The following PALLD variants were observed in gnomAD, a reference collection of about 807,000 sequenced individuals.
The protein encoded by PALLD is palladin, cytoskeletal associated protein, also known as palladin.
Under a neutral mutation model 123.5 loss-of-function variants are expected in PALLD, and 61 were observed. That is an observed-to-expected ratio of 0.49 (90% confidence interval 0.40 to 0.61). PALLD has a LOEUF of 0.61. Among genes scored for constraint, PALLD ranks in the 20% least tolerant of loss-of-function variants. PALLD has a pLI of 0.00. For missense variants in PALLD, 1,273 were observed against 1,377.0 expected (o/e 0.92, Z 1.20); for synonymous variants, 465 against 496.4 (o/e 0.94, Z 0.84).
chr4:168,539,695 C>T (rs1448715128), intron 2 of PALLD, among the ~76,000 whole-genome samples: 1 of 152,148 alleles, frequency 6.6e-6, no homozygotes, highest in Non-Finnish European at 1.5e-5. Context: ...ATGCAACACA[C>T]AGTCTCATCA....
chr4:168,526,869 T>C (rs537522768), intron 2 of PALLD, among the ~76,000 whole-genome samples: 1 of 152,092 alleles, frequency 6.6e-6, no homozygotes, highest in South Asian at 2.1e-4. Context: ...AAAGGGAATC[T>C]GAAAGAGACA....
intron 3 of PALLD, among the ~76,000 whole-genome samples, chr4:168,679,373 TGGGTGTGTGTGTGTGTGTGGTGTGCTGTG>T (rs1371468321): frequency 4.1e-5 from 4 of 98,596 alleles, no homozygotes; most frequent in Non-Finnish European, 7.9e-5. Flanking sequence ...TGGATGTGTG[TGGGTGTGTGTGTGTGTGTGGTGTGCTGTG>T]GGGTGTGTGC....
chr4:168,921,676 T>G lies in PALLD; in HGVS notation c.2993T>G (p.Ile998Ser). The G allele has an allele frequency of 1.2e-6, 2 of 1,611,592 alleles. No individual in the cohort carries two copies. Among genetic ancestry groups the G allele is most frequent in the Non-Finnish European group, 1.7e-6 (2 of 1,179,822 alleles). Residue 998 changes from isoleucine to serine, a missense_variant, in exon 18 of 22, where the codon ATC (isoleucine) becomes AGC (serine). Ile to Ser is a moderately radical substitution (Grantham distance 142). Transcript: ENST00000505667. ...IEPVTSRDAGIYTCIATNRAG... is the reference protein window; with the variant it reads ...IEPVTSRDAGSYTCIATNRAG... ...CCAGTCACGTCACGTGATGCCGGCA[T>G]CTACACATGTATAGCTACCAACCGA...
intron 2 of PALLD, among the ~76,000 whole-genome samples, chr4:168,611,337 T>A (rs1253825280): frequency 6.6e-6 from 1 of 152,168 alleles, no homozygotes; most frequent in Non-Finnish European, 1.5e-5. Context: ...GTTTAAAAAC[T>A]CCTTGCTATA....
chr4:168,535,731 A>C (rs10021074), intron 2 of PALLD, among the ~76,000 whole-genome samples: 44,317 of 152,018 alleles, frequency 0.29, 7,714 homozygotes, highest in African/African-American at 0.5. Flanking sequence ...CACCCATTGC[A>C]TCCCTCTTAA....
intron 10 of PALLD, among the ~76,000 whole-genome samples, chr4:168,858,974 G>C (rs1311767515): frequency 6.6e-6 from 1 of 152,158 alleles, no homozygotes; most frequent in Admixed American, 6.5e-5. Context: ...TCTTAAGACA[G>C]TAGACTATCA....
At chr4:168,631,018 C>G (rs1297182452) in intron 2 of PALLD, among the ~76,000 whole-genome samples, 1 of 152,134 alleles carries the variant, frequency 6.6e-6, no homozygotes, top group Non-Finnish European at 1.5e-5. Context: ...TGGGTCTGTT[C>G]CCTAGACATT....
At chr4:168,827,926 A>C (rs544310959) in intron 10 of PALLD, among the ~76,000 whole-genome samples, 1 of 152,302 alleles carries the variant, frequency 6.6e-6, no homozygotes, top group East Asian at 1.9e-4. Flanking sequence ...CTGTAATCCC[A>C]GGTACTCGGG....
chr4:168,923,198 C>T (rs894695692), intron 18 of PALLD, among the ~76,000 whole-genome samples: 7 of 152,216 alleles, frequency 4.6e-5, no homozygotes, highest in African/African-American at 1.7e-4. Context: ...ACAAAGTGAG[C>T]TTCTGTTCCC....
At chr4:168,832,304 C>A (rs1185699850) in intron 10 of PALLD, 2 of 611,862 alleles carry the variant, frequency 3.3e-6, no homozygotes, top group Non-Finnish European at 4.1e-6. Flanking sequence ...ACAAGAGACT[C>A]GTCAGCGCAC....
intron 2 of PALLD, among the ~76,000 whole-genome samples, chr4:168,590,623 C>T (rs1287947531): frequency 6.6e-6 from 1 of 151,962 alleles, no homozygotes; most frequent in Non-Finnish European, 1.5e-5. Context: ...TTTGTTTTTC[C>T]AGTTGGAGTA....
intron 10 of PALLD, among the ~76,000 whole-genome samples, chr4:168,866,596 T>A (rs979986712): frequency 6.6e-5 from 10 of 152,224 alleles, no homozygotes; most frequent in African/African-American, 2.2e-4. Context: ...AAACACATGA[T>A]GTTTGTTTAG....
At chr4:168,597,352 A>C (rs1409363111) in intron 2 of PALLD, among the ~76,000 whole-genome samples, 2 of 152,114 alleles carry the variant, frequency 1.3e-5, no homozygotes, top group African/African-American at 2.4e-5. Flanking sequence ...AAACTCATAC[A>C]GTTTTGGAGA....
At chr4:168,527,305 C>T (rs1422935513) in intron 2 of PALLD, among the ~76,000 whole-genome samples, 2 of 151,004 alleles carry the variant, frequency 1.3e-5, no homozygotes, top group African/African-American at 4.9e-5. Flanking sequence ...GCCTGTAATC[C>T]CAGCTACTCG....
intron 2 of PALLD, among the ~76,000 whole-genome samples, chr4:168,529,133 G>A (rs1158017265): frequency 6.6e-6 from 1 of 152,080 alleles, no homozygotes; most frequent in Non-Finnish European, 1.5e-5. Context: ...GATCACCGGA[G>A]GCCAGGAGAT....
chr4:168,769,571 A>G (rs1251215771), intron 10 of PALLD, among the ~76,000 whole-genome samples: 5 of 152,188 alleles, frequency 3.3e-5, no homozygotes, highest in South Asian at 2.1e-4. Context: ...TCTCTGCTCT[A>G]TCATGGGTCC....
chr4:168,512,323 C>T lies in PALLD; in HGVS notation c.819C>T (p.Phe273=), dbSNP rs768306390. The change falls in exon 2 of 22, where the codon TTC becomes TTT. Residue 273 remains phenylalanine, a synonymous_variant. Transcript: ENST00000505667. ...SALHFPAAPR[F]IQKLRSQEVA... is the part of the protein sequence containing the mutation. ...TCCACTTCCCAGCTGCACCTCGATT[C>T]ATCCAAAAGCTGAGGAGCCAAGAAG... 6.2e-7 allele frequency: 1 copy of T among 1,614,194 alleles called. No homozygotes were observed. The highest frequency in any genetic ancestry group is 8.5e-7 in the Non-Finnish European group (1 of 1,180,028).
chr4:168,853,244 T>C (rs1352591308), intron 10 of PALLD, among the ~76,000 whole-genome samples: 2 of 152,152 alleles, frequency 1.3e-5, no homozygotes, highest in African/African-American at 2.4e-5. Flanking sequence ...TCCTTAGAAA[T>C]TTTGGCCTTA....
At chr4:168,832,258 G>A in intron 10 of PALLD, 1 of 885,072 alleles carries the variant, frequency 1.1e-6, no homozygotes, top group South Asian at 5.2e-5. Flanking sequence ...CGCGAGTCGG[G>A]AGTGCAGGGC....
Sources: gnomAD v4.1 joint callset for allele counts (sites outside exome capture counted in the v4.1 genomes callset) on GRCh38, gnomAD v4.1.1 for gene constraint, MANE v1.5 for transcripts, NCBI Gene and HGNC (gene_info 2026-07-23, HGNC 2026-07-21) for gene names.